AGBL4: variants seen among roughly 807,000 people sequenced by gnomAD.
AGBL4 encodes the protein AGBL carboxypeptidase 4, also known as cytosolic carboxypeptidase 6.
A neutral mutation model predicts 66.4 loss-of-function variants in AGBL4; 58 were observed. The ratio of observed to expected loss-of-function variants is 0.87; its 90% CI spans 0.71 to 1.09. The LOEUF is 1.09. AGBL4 is among the 50% of genes least tolerant of loss of function. AGBL4 has a pLI of 0.00. For synonymous variants in AGBL4, 234 were observed against 222.9 expected, an observed-to-expected ratio of 1.05 and a Z score of -0.44; for missense variants, 579 against 631.0, an observed-to-expected ratio of 0.92 and a Z score of 0.88.
intron 1 of AGBL4, among the ~76,000 whole-genome samples, chr1:50,001,200 TATAAA>T (rs1348088895): frequency 1.3e-5 from 2 of 150,816 alleles, no homozygotes; most frequent in African/African-American, 4.9e-5. Flanking sequence ...TATTTATATA[TATAAA>T]ATATTTCAAT....
rs189640884 is a variant in AGBL4, at chr1:48,672,676, C to T, written c.635-9435G>A. On this transcript the variant is annotated intron_variant, in intron 6 of 13. Transcript: ENST00000371839. ...CTCAACCTGTTTTCCATCCTTAAAACGAGCTGTTGGAGTCATGCCAGCTGA... is the reference window on the plus strand; with the variant it reads ...CTCAACCTGTTTTCCATCCTTAAAATGAGCTGTTGGAGTCATGCCAGCTGA... Among the ~76,000 whole-genome samples, 324 of 152,282 alleles carry T rather than the reference C, an allele frequency of 2.1e-3. 2 individuals are homozygous for T. Among genetic ancestry groups the T allele is most frequent in the African/African-American group, 7.5e-3 (313 of 41,560 alleles).
chr1:48,974,240 T>C lies in AGBL4; in HGVS notation c.594+71344A>G, dbSNP rs377586968. Among the ~76,000 whole-genome samples the C allele has an allele frequency of 1.9e-3, 283 of 152,178 alleles. 2 individuals carry two copies. Among genetic ancestry groups the C allele is most frequent in the African/African-American group, 6.5e-3 (268 of 41,528 alleles). ...ATAGACAAGGCCAACAGAGAGAGCT[T>C]GAGCCAAGTATGCCTGTCAGAAGAG... is the stretch of plus-strand genomic sequence containing the variant. On this transcript the variant is annotated intron_variant, in intron 5 of 13. Transcript: ENST00000371839.
At chr1:49,990,568 C>A (rs1659863594) in intron 1 of AGBL4, among the ~76,000 whole-genome samples, 8 of 152,106 alleles carry the variant, frequency 5.3e-5, no homozygotes, top group Admixed American at 5.2e-4. Context: ...CAGGTAGTAT[C>A]TTTATAGCAG....
chr1:49,966,406 T>C (rs937661380), intron 1 of AGBL4, among the ~76,000 whole-genome samples: 8 of 152,202 alleles, frequency 5.3e-5, no homozygotes, highest in African/African-American at 1.9e-4. Flanking sequence ...AAAATGAACA[T>C]TTTAATAAAT....
At chr1:48,829,508 A>G (rs1646502471) in intron 6 of AGBL4, among the ~76,000 whole-genome samples, 1 of 152,198 alleles carries the variant, frequency 6.6e-6, no homozygotes. Flanking sequence ...TTTTATAATC[A>G]TGCCATTGGA....
At chr1:49,009,638 T>C (rs1362506217) in intron 5 of AGBL4, among the ~76,000 whole-genome samples, 2 of 151,468 alleles carry the variant, frequency 1.3e-5, no homozygotes, top group Admixed American at 6.6e-5. Context: ...AATAAAATAC[T>C]GGCAAAACGA....
Position 48,605,482 on chromosome 1 carries a change from C to A in AGBL4, c.952-14497G>T, listed in dbSNP as rs549595798. On this transcript the variant is annotated intron_variant, in intron 9 of 13. Transcript: ENST00000371839. The stretch of plus-strand genomic sequence containing the variant: ...TTCCTCCAGGACCCAATATAAGCAT[C>A]CCTTCCTCTAAAGGCTTCCCTACGC... Among the ~76,000 whole-genome samples the A allele has an allele frequency of 9.2e-5, 14 of 152,298 alleles. 1 individual carries two copies. In the South Asian group the frequency reaches 2.9e-3, roughly 32 times the overall value.
intron 5 of AGBL4, among the ~76,000 whole-genome samples, chr1:48,977,730 G>T (rs963709011): frequency 2.0e-5 from 3 of 152,102 alleles, no homozygotes; most frequent in African/African-American, 7.2e-5. Flanking sequence ...GTATTGGCTG[G>T]GGAGACTGAT....
At chr1:50,007,708 G>A (rs1471424154) in intron 1 of AGBL4, among the ~76,000 whole-genome samples, 2 of 152,306 alleles carry the variant, frequency 1.3e-5, no homozygotes, top group East Asian at 1.9e-4. Flanking sequence ...TCAAGACTGA[G>A]TGAGACATGA....
intron 3 of AGBL4, among the ~76,000 whole-genome samples, chr1:49,366,323 T>C (rs1160967926): frequency 6.6e-6 from 1 of 152,174 alleles, no homozygotes; most frequent in Admixed American, 6.5e-5. Flanking sequence ...AATAATTGTT[T>C]TTCCTCTTCC....
intron 9 of AGBL4, among the ~76,000 whole-genome samples, chr1:48,631,582 C>T (rs991531924): frequency 3.9e-5 from 6 of 152,052 alleles, no homozygotes; most frequent in African/African-American, 1.4e-4. Flanking sequence ...TTAGTAGAGA[C>T]CGGGTTTTGC....
chr1:49,910,655 A>C (rs894388355), intron 1 of AGBL4, among the ~76,000 whole-genome samples: 3 of 151,716 alleles, frequency 2.0e-5, no homozygotes, highest in Non-Finnish European at 4.4e-5. Context: ...ATGAATGAAG[A>C]ATAAAAAAAA....
chr1:49,322,063 G>T (rs1284933870), intron 3 of AGBL4, among the ~76,000 whole-genome samples: 1 of 152,212 alleles, frequency 6.6e-6, no homozygotes, highest in African/African-American at 2.4e-5. Context: ...TATTTAGCAG[G>T]AATAAGAAAT....
intron 3 of AGBL4, among the ~76,000 whole-genome samples, chr1:49,492,445 TGG>T (rs1647210272): frequency 6.6e-6 from 1 of 152,008 alleles, no homozygotes; most frequent in Admixed American, 6.6e-5. Flanking sequence ...CACTTGACTG[TGG>T]GTAACTGAAA....
chr1:49,988,088 A>G (rs1659652481), intron 1 of AGBL4, among the ~76,000 whole-genome samples: 1 of 152,090 alleles, frequency 6.6e-6, no homozygotes, highest in Non-Finnish European at 1.5e-5. Context: ...ATGCATATTT[A>G]GCTTGCTTAA....
intron 2 of AGBL4, among the ~76,000 whole-genome samples, chr1:49,763,070 G>C (rs1652463925): frequency 6.6e-6 from 1 of 152,182 alleles, no homozygotes; most frequent in Non-Finnish European, 1.5e-5. Flanking sequence ...TATATGATGA[G>C]AGTTAGGAGT....
chr1:49,363,354 G>A (rs920583451), intron 3 of AGBL4, among the ~76,000 whole-genome samples: 9 of 152,122 alleles, frequency 5.9e-5, no homozygotes, highest in Admixed American at 5.9e-4. Flanking sequence ...GGCCTAGAGA[G>A]CCCAGCTGAT....
chr1:49,232,649 A>T (rs143708894), intron 4 of AGBL4, among the ~76,000 whole-genome samples: 155 of 151,658 alleles, frequency 1.0e-3, no homozygotes, highest in African/African-American at 3.6e-3. Context: ...CAGTGAGCCG[A>T]GATGGTGCCA....
At chr1:49,069,922 T>C (rs1644566866) in intron 4 of AGBL4, among the ~76,000 whole-genome samples, 1 of 152,012 alleles carries the variant, frequency 6.6e-6, no homozygotes, top group Non-Finnish European at 1.5e-5. Flanking sequence ...CAGTGGTCTG[T>C]AGTTCTCCGT....
Sources: allele counts gnomAD v4.1 joint callset (sites outside exome capture counted in the v4.1 genomes callset), GRCh38; gene constraint gnomAD v4.1.1; transcripts MANE v1.5; gene names NCBI Gene and HGNC (gene_info 2026-07-23, HGNC 2026-07-21).